Variants in SEMA5A observed in about 807,000 individuals in gnomAD.
SEMA5A encodes the protein semaphorin-5A.
SEMA5A carries 55 observed loss-of-function variants against 135.5 expected under a neutral mutation model. That is an observed-to-expected ratio of 0.41 (90% CI 0.33 to 0.51). SEMA5A has a LOEUF of 0.51. Among genes scored for constraint, SEMA5A ranks in the 20% least tolerant of loss-of-function variants. SEMA5A has a pLI of 0.37. For synonymous variants in SEMA5A, 580 were observed against 546.5 expected (o/e 1.06, Z -0.85); for missense variants, 1,290 against 1,419.9 (o/e 0.91, Z 1.47).
chr5:9,339,755 A>G (rs35870770), intron 3 of SEMA5A, among the ~76,000 whole-genome samples: 23,660 of 152,202 alleles, frequency 0.16, 2,058 homozygotes, highest in Middle Eastern at 0.25. Flanking sequence ...TGTGACAGCA[A>G]AGCTTTGAAA....
intron 1 of SEMA5A, among the ~76,000 whole-genome samples, chr5:9,462,496 T>C (rs1245423245): frequency 6.6e-6 from 1 of 152,134 alleles, no homozygotes; most frequent in Non-Finnish European, 1.5e-5. Context: ...AAGGAATATA[T>C]ATCATTCTAC....
At chr5:9,170,479 C>T (rs1057432931) in intron 11 of SEMA5A, among the ~76,000 whole-genome samples, 1 of 151,966 alleles carries the variant, frequency 6.6e-6, no homozygotes, top group East Asian at 1.9e-4. Flanking sequence ...AATATTTGTG[C>T]CCCCCTACCC....
intron 11 of SEMA5A, among the ~76,000 whole-genome samples, chr5:9,161,675 G>A (rs898865306): frequency 6.6e-6 from 1 of 152,220 alleles, no homozygotes; most frequent in Non-Finnish European, 1.5e-5. Context: ...GTGTCCTGGT[G>A]CTGCTCTGGA....
intron 8 of SEMA5A, among the ~76,000 whole-genome samples, chr5:9,219,661 A>T (rs558935079): frequency 6.6e-6 from 1 of 152,262 alleles, no homozygotes; most frequent in African/African-American, 2.4e-5. Flanking sequence ...GCCTCAGGAG[A>T]CACCAATCCT....
At chr5:9,462,536 T>G (rs1759095918) in intron 1 of SEMA5A, among the ~76,000 whole-genome samples, 1 of 152,202 alleles carries the variant, frequency 6.6e-6, no homozygotes, top group Non-Finnish European at 1.5e-5. Flanking sequence ...GTATGTTCAT[T>G]GCAGCACTAT....
intron 12 of SEMA5A, among the ~76,000 whole-genome samples, chr5:9,143,201 G>C (rs1742160289): frequency 6.6e-6 from 1 of 152,124 alleles, no homozygotes; most frequent in African/African-American, 2.4e-5. Flanking sequence ...GCATACAGTT[G>C]TTATAATTAG....
intron 5 of SEMA5A, among the ~76,000 whole-genome samples, chr5:9,248,125 T>G (rs927478261): frequency 6.6e-6 from 1 of 152,184 alleles, no homozygotes; most frequent in African/African-American, 2.4e-5. Context: ...GTCATTACTA[T>G]TATTAAGATG....
intron 13 of SEMA5A, among the ~76,000 whole-genome samples, chr5:9,131,495 A>C (rs1560945973): frequency 6.6e-6 from 1 of 151,446 alleles, no homozygotes; most frequent in Non-Finnish European, 1.5e-5. Flanking sequence ...GTAGTCCCAG[A>C]TACTCAGGAG....
intron 10 of SEMA5A, among the ~76,000 whole-genome samples, chr5:9,195,269 C>T (rs1745325097): frequency 6.6e-6 from 1 of 152,172 alleles, no homozygotes; most frequent in Non-Finnish European, 1.5e-5. Flanking sequence ...TGGGCTCAAG[C>T]AGTCCTCCAT....
intron 16 of SEMA5A, among the ~76,000 whole-genome samples, chr5:9,102,803 A>C (rs1739702021): frequency 6.6e-6 from 1 of 152,236 alleles, no homozygotes; most frequent in Non-Finnish European, 1.5e-5. Flanking sequence ...TCTGAATCAG[A>C]GCAGTAATAT....
chr5:9,382,557 T>C (rs1416769529), intron 2 of SEMA5A, among the ~76,000 whole-genome samples: 1 of 152,096 alleles, frequency 6.6e-6, no homozygotes, highest in Non-Finnish European at 1.5e-5. Context: ...GGAAAAGACA[T>C]GATAATTGAA....
chr5:9,337,749 A>G lies in SEMA5A; in HGVS notation c.188T>C (p.Phe63Ser). ...KNAVDFSQLT[F>S]DPGQKELVVG... ...AACAAGTTCTTTCTGTCCTGGGTCA[A>G]ATGTTAACTGCGAGAAATCCACAGC... is the stretch of plus-strand genomic sequence containing the variant. Residue 63 changes from phenylalanine to serine, a missense_variant, in exon 4 of 23, where the codon TTT (phenylalanine) becomes TCT (serine). Physicochemically the swap from Phe to Ser is radical, Grantham distance 155. Transcript: ENST00000382496. 6.2e-7 allele frequency: 1 copy of G among 1,612,038 alleles called. No individual in the cohort carries two copies. Among genetic ancestry groups the G allele is most frequent in the Non-Finnish European group, 8.5e-7 (1 of 1,178,630 alleles).
At position 9,136,760 on chromosome 5, in the gene SEMA5A, C is replaced by T. The variant is rs186417623; in HGVS notation, c.1482-139G>A. 1,284 of 689,588 alleles carry T rather than the reference C, an allele frequency of 1.9e-3. 15 individuals carry two copies. In the East Asian group the frequency reaches 0.025, roughly 13 times the overall value. The allele number at this position is 689,588 out of a possible 1,614,324, so 42.7% of individuals were successfully genotyped here. Reference sequence around the variant, plus strand: ...GCCCAATGGGTATTTAGGCTGCACACTGGAGAGCACAGCTATCTGCACACT... The same window carrying T: ...GCCCAATGGGTATTTAGGCTGCACATTGGAGAGCACAGCTATCTGCACACT... On this transcript the variant is annotated intron_variant, in intron 12 of 22. Coordinates refer to ENST00000382496, the MANE Select transcript of SEMA5A (RefSeq NM_003966.3).
At chr5:9,389,232 G>A (rs1051777046) in intron 2 of SEMA5A, among the ~76,000 whole-genome samples, 2 of 152,034 alleles carry the variant, frequency 1.3e-5, no homozygotes, top group Non-Finnish European at 2.9e-5. Context: ...TCGAATGAAA[G>A]TACACTCCAA....
At chr5:9,296,503 T>C (rs1751340753) in intron 5 of SEMA5A, among the ~76,000 whole-genome samples, 1 of 152,186 alleles carries the variant, frequency 6.6e-6, no homozygotes, top group African/African-American at 2.4e-5. Flanking sequence ...GTCTCTGTAT[T>C]CTATTTGAAA....
intron 2 of SEMA5A, among the ~76,000 whole-genome samples, chr5:9,437,353 CTTCTT>C (rs1758070401): frequency 6.6e-6 from 1 of 151,106 alleles, no homozygotes; most frequent in African/African-American, 2.4e-5. Context: ...TTCTTCTTTT[CTTCTT>C]TTCTTCTTTT....
intron 3 of SEMA5A, among the ~76,000 whole-genome samples, chr5:9,357,220 T>C (rs529635987): frequency 6.6e-6 from 1 of 152,296 alleles, no homozygotes; most frequent in South Asian, 2.1e-4. Context: ...ACTGGACCTA[T>C]TAAATTTAAT....
At chr5:9,379,143 A>C (rs1174012243) in intron 3 of SEMA5A, among the ~76,000 whole-genome samples, 1 of 152,202 alleles carries the variant, frequency 6.6e-6, no homozygotes, top group African/African-American at 2.4e-5. Flanking sequence ...TAAAAACAAC[A>C]AAATATAAAA....
At chr5:9,503,588 T>C (rs1488822615) in intron 1 of SEMA5A, among the ~76,000 whole-genome samples, 2 of 152,202 alleles carry the variant, frequency 1.3e-5, no homozygotes, top group African/African-American at 4.8e-5. Context: ...ATCATCTCTG[T>C]GTATTTTATG....
Sources: allele counts gnomAD v4.1 joint callset (sites outside exome capture counted in the v4.1 genomes callset), GRCh38; gene constraint gnomAD v4.1.1; transcripts MANE v1.5; gene names NCBI Gene and HGNC (gene_info 2026-07-23, HGNC 2026-07-21).